CCAR1: variants seen among roughly 807,000 people sequenced by gnomAD.
CCAR1 encodes the protein cell division cycle and apoptosis regulator 1, also known as cell division cycle and apoptosis regulator protein 1.
Under a neutral mutation model 163.8 loss-of-function variants are expected in CCAR1, and 78 were observed. The ratio of observed to expected loss-of-function variants is 0.48; its 90% CI spans 0.40 to 0.57. The LOEUF is 0.57. CCAR1 is among the 20% of genes least tolerant of loss of function. CCAR1 has a pLI of 0.00. For missense variants in CCAR1, 1,019 were observed against 1,365.2 expected (o/e 0.75, Z 4.00); for synonymous variants, 443 against 460.7 (o/e 0.96, Z 0.49).
intron 5 of CCAR1, among the ~76,000 whole-genome samples, chr10:68,741,381 C>G (rs1477155271): frequency 1.3e-5 from 2 of 152,168 alleles, no homozygotes; most frequent in Non-Finnish European, 2.9e-5. Context: ...TTGAACTTTT[C>G]ATATGTAGTG....
chr10:68,756,685 C>T lies in CCAR1; in HGVS notation c.1836+202C>T. 1.5e-6 allele frequency: 1 copy of T among 660,982 alleles called. No homozygotes were observed. The allele number at this position is 660,982 out of a possible 1,614,324, so 40.9% of individuals were successfully genotyped here. A position where few individuals can be genotyped will look rare whatever the true frequency, so the allele number is the denominator to read the frequency against. On this transcript the variant is annotated intron_variant, in intron 14 of 24. Coordinates refer to ENST00000265872, the MANE Select transcript of CCAR1 (RefSeq NM_018237.4). This position sits in a 1 kb window ranked among gnomAD's most constrained non-coding sequence, Gnocchi z 5.1. ...TCTTATTATCCTAACTTTAAGAGTGCTGAGACCTCAAAGGAAAATAAGTTG... is the reference window on the plus strand; with the variant it reads ...TCTTATTATCCTAACTTTAAGAGTGTTGAGACCTCAAAGGAAAATAAGTTG...
intron 10 of CCAR1, among the ~76,000 whole-genome samples, chr10:68,752,303 T>C (rs2056342688): frequency 6.6e-6 from 1 of 152,208 alleles, no homozygotes; most frequent in Non-Finnish European, 1.5e-5. Context: ...AAAGTTTCCA[T>C]ACTTCTCATT....
chr10:68,721,531 C>A (rs985198516), intron 1 of CCAR1: 1 of 446,466 alleles, frequency 2.2e-6, no homozygotes, highest in Admixed American at 2.4e-5. Flanking sequence ...GCCCCTCAGC[C>A]TCGGCATGGC....
chr10:68,722,818 AG>A (rs1481590293), intron 2 of CCAR1, among the ~76,000 whole-genome samples: 2 of 152,062 alleles, frequency 1.3e-5, no homozygotes, highest in Non-Finnish European at 2.9e-5. Context: ...GCTACTCAGG[AG>A]GCTGAGGCAG....
intron 15 of CCAR1, among the ~76,000 whole-genome samples, chr10:68,757,810 G>A (rs959454656): frequency 2.4e-5 from 3 of 126,892 alleles, no homozygotes; most frequent in East Asian, 4.5e-4. Flanking sequence ...GGTCTATAGT[G>A]TAACTATAGT....
rs368092613 is a variant in CCAR1, at chr10:68,761,787, A to G, written c.2106+595A>G. ...CTGGCTAATTTTGTGTTTTTAGTAG[A>G]GAAGGTGTTTTTCCATGTTGGTCAG... On this transcript the variant is annotated intron_variant, in intron 16 of 24. Coordinates refer to ENST00000265872, the MANE Select transcript of CCAR1 (RefSeq NM_018237.4). 6.8e-4 allele frequency among the ~76,000 whole-genome samples: 102 copies of G among 149,818 alleles called. 1 individual carries two copies. In the South Asian group the frequency reaches 0.021, roughly 31 times the overall value.
At chr10:68,750,257 C>A (rs1009083731) in intron 10 of CCAR1, among the ~76,000 whole-genome samples, 2 of 145,008 alleles carry the variant, frequency 1.4e-5, no homozygotes, top group Non-Finnish European at 3.0e-5. Context: ...ACTCTTTCAC[C>A]CAGGTTGGAG....
chr10:68,729,619 C>T (rs1341959002), intron 2 of CCAR1, among the ~76,000 whole-genome samples: 2 of 151,244 alleles, frequency 1.3e-5, no homozygotes, highest in Non-Finnish European at 2.9e-5. Context: ...TCGCTTGATT[C>T]CAGGAGTTTG....
At position 68,786,147 on chromosome 10, in the gene CCAR1, G is replaced by A. The variant is rs2056792734; in HGVS notation, c.2662G>A (p.Glu888Lys). ...AEDEEDDRDEEEMTKRDDKRD... is the reference protein window; with the variant it reads ...AEDEEDDRDEKEMTKRDDKRD... ...TATTTATTTTACAGATAGGGATGAG[G>A]AAGAAATGACCAAACGAGATGACAA... Residue 888 changes from glutamate to lysine, a missense_variant, in exon 20 of 25, where the codon GAA becomes AAA. Physicochemically the swap from Glu to Lys is moderately conservative, Grantham distance 56 (BLOSUM62 1). Around this residue, in one of 4 missense-constraint regions of CCAR1, gnomAD observed 358 missense variants for 406.4 expected, o/e 0.88. Transcript: ENST00000265872. 1 of 1,610,882 alleles carries A rather than the reference G, an allele frequency of 6.2e-7. No individual in the cohort carries two copies. The highest frequency in any genetic ancestry group is 8.5e-7 in the Non-Finnish European group (1 of 1,177,572).
chr10:68,743,452 C>T (rs896168240), intron 6 of CCAR1, among the ~76,000 whole-genome samples: 2 of 152,136 alleles, frequency 1.3e-5, no homozygotes, highest in Admixed American at 6.5e-5. Context: ...AGGTGTGAGC[C>T]ACTGTGTCTG....
At chr10:68,741,332 G>A (rs2056181301) in intron 5 of CCAR1, among the ~76,000 whole-genome samples, 2 of 152,144 alleles carry the variant, frequency 1.3e-5, no homozygotes, top group South Asian at 4.1e-4. Flanking sequence ...GTTATTGTGT[G>A]ACATTATCTG....
At chr10:68,740,714 A>G (rs1238496092) in intron 5 of CCAR1, 53 bp downstream of exon 5, 2 of 1,363,476 alleles carry the variant, frequency 1.5e-6, no homozygotes, top group Non-Finnish European at 2.1e-6. Context: ...CAGTAGACTA[A>G]AGCTTTATTA....
intron 17 of CCAR1, among the ~76,000 whole-genome samples, chr10:68,769,872 C>T (rs567500150): frequency 1.2e-3 from 167 of 144,068 alleles, no homozygotes; most frequent in Non-Finnish European, 2.1e-3. Flanking sequence ...ATTGGCGAGG[C>T]GGAGCTTGCA....
At chr10:68,754,151 C>A in intron 11 of CCAR1, 74 bp downstream of exon 11, 1 of 1,066,060 alleles carries the variant, frequency 9.4e-7, no homozygotes, top group South Asian at 1.5e-5. Flanking sequence ...GTAGAATTAT[C>A]CTTCAGAAAG....
chr10:68,760,597 G>A (rs2056456505), intron 15 of CCAR1, among the ~76,000 whole-genome samples: 1 of 152,304 alleles, frequency 6.6e-6, no homozygotes, highest in South Asian at 2.1e-4. Context: ...GGCTGGGCGT[G>A]GTGGCTCACG....
chr10:68,776,918 A>G (rs1465339200), intron 19 of CCAR1, among the ~76,000 whole-genome samples: 2 of 152,164 alleles, frequency 1.3e-5, no homozygotes, highest in African/African-American at 4.8e-5. Flanking sequence ...CCACTTAGTT[A>G]TCTGGCATTT....
At chr10:68,727,073 T>TTTTTTTTTTTTTTTTTCATA (rs2055958800) in intron 2 of CCAR1, among the ~76,000 whole-genome samples, 1 of 149,484 alleles carries the variant, frequency 6.7e-6, no homozygotes. Context: ...TTTTTTTTTT[T>TTTTTTTTTTTTTTTTTCATA]GTTTTTTTTT....
rs1262874918 is a variant in CCAR1, at chr10:68,726,183, G to A, written c.73+3606G>A. On this transcript the variant is annotated intron_variant, in intron 2 of 24. Transcript: ENST00000265872. ...TTTTTTTTTTTTGAGATTGAGTCTC[G>A]CTCTGTTGCCCAGGCTGGAGTGCAG... Among the ~76,000 whole-genome samples the A allele has an allele frequency of 3.5e-5, 5 of 142,844 alleles. No individual in the cohort carries two copies. In the East Asian group the frequency reaches 6.2e-4, roughly 18 times the overall value. The allele number at this position is 142,844 out of a possible 152,430, so 93.7% of individuals were successfully genotyped here.
chr10:68,729,933 T>A (rs1407259374), intron 2 of CCAR1, among the ~76,000 whole-genome samples: 1 of 136,900 alleles, frequency 7.3e-6, no homozygotes, highest in African/African-American at 2.8e-5. Flanking sequence ...TTTTTTTTTT[T>A]ATTGAGATGG....
Sources: allele counts gnomAD v4.1 joint callset (sites outside exome capture counted in the v4.1 genomes callset), GRCh38; gene constraint gnomAD v4.1.1; regional missense constraint gnomAD v4.1.1; non-coding constraint Gnocchi (gnomAD v3.1); transcripts MANE v1.5; gene names NCBI Gene and HGNC (gene_info 2026-07-23, HGNC 2026-07-21).